CENPI: variants seen among roughly 807,000 people sequenced by gnomAD.
The protein encoded by CENPI is centromere protein I.
In CENPI, 4 loss-of-function variants were observed where a neutral mutation model predicts 60.4. The ratio of observed to expected loss-of-function variants is 0.07; its 90% CI spans 0.03 to 0.15. The LOEUF (loss-of-function observed/expected upper bound fraction) is 0.15, where lower values mean the gene tolerates loss of function less well. CENPI is among the 10% of genes least tolerant of loss of function. The probability of loss-of-function intolerance (pLI) is 1.00; values close to 1 mark genes in which losing one functional copy is unlikely to be tolerated. For missense variants in CENPI, 444 were observed against 534.5 expected (o/e 0.83, Z 1.67); for synonymous variants, 157 against 189.4 (o/e 0.83, Z 1.40).
intron 20 of CENPI, 102 bp from the exon 21 acceptor site, chrX:101,161,426 T>G: frequency 1.4e-6 from 1 of 726,791 alleles, no homozygotes; most frequent in Non-Finnish European, 2.1e-6. Flanking sequence ...ATTGCCATCT[T>G]AATTTTCTGA....
chrX:101,179,800 G>A, the CENPI span, among the ~76,000 whole-genome samples: 3 of 112,598 alleles, frequency 2.7e-5, no homozygotes, highest in East Asian at 5.6e-4. Flanking sequence ...GATTACAGGC[G>A]TGAGCCACTG....
At position 101,163,427 on chromosome X, in the gene CENPI, G is replaced by A. The variant is rs1033685848; in HGVS notation, c.*460G>A. 9.9e-5 allele frequency: 12 copies of A among 121,108 alleles called. No individual in the cohort carries two copies. The South Asian group carries it at 1.6e-3, about 17-fold the overall frequency. 10.0% of individuals were successfully genotyped at this position (121,108 alleles called of 1,213,427 possible). A position where few individuals can be genotyped will look rare whatever the true frequency, so the allele number is the denominator to read the frequency against. On this transcript the variant is annotated 3_prime_UTR_variant, in exon 22 of 22. Coordinates refer to ENST00000682095, the MANE Select transcript of CENPI (RefSeq NM_001386188.2). ...ACCAAGTTAACAGGATGCAACATGTGTATGACTCTAAAAGCCCTAAGTAGT... is the reference window on the plus strand; with the variant it reads ...ACCAAGTTAACAGGATGCAACATGTATATGACTCTAAAAGCCCTAAGTAGT...
chrX:101,124,857 TCTTTC>T (rs2089718309), intron 8 of CENPI, among the ~76,000 whole-genome samples: 1 of 111,955 alleles, frequency 8.9e-6, no homozygotes, highest in Non-Finnish European at 1.9e-5. Context: ...CAGTTAAACC[TCTTTC>T]CTTTATAAAT....
rs1460282694 is a variant in CENPI, at chrX:101,161,524, T to C, written c.2095-4T>C. 8.3e-7 allele frequency: 1 copy of C among 1,208,857 alleles called. No individual in the cohort carries two copies. The highest frequency in any genetic ancestry group is 1.1e-6 in the Non-Finnish European group (1 of 893,087). ...GTTTTGTTTTTTGTTTGTTTGTTTT[T>C]AAGGAAAGCCCAGAAGAAAGGACAG... On this transcript the variant is annotated splice_polypyrimidine_tract_variant and splice_region_variant and intron_variant, in intron 20 of 21. Coordinates refer to ENST00000682095, the MANE Select transcript of CENPI (RefSeq NM_001386188.2).
At chrX:101,168,786 CA>C (rs1468322216), downstream of CENPI, among the ~76,000 whole-genome samples, 1 of 111,618 alleles carries the variant, frequency 9.0e-6, no homozygotes, top group Non-Finnish European at 1.9e-5. Context: ...GCCACATCAC[CA>C]AATAAGTGAA....
At chrX:101,144,628 C>T (rs1021943052) in intron 16 of CENPI, among the ~76,000 whole-genome samples, 4 of 110,478 alleles carry the variant, frequency 3.6e-5, no homozygotes, top group African/African-American at 6.6e-5. Flanking sequence ...AGAGAGCCCC[C>T]GACCTTCGCC....
intron 21 of CENPI, 64 bp downstream of exon 21, chrX:101,161,633 TA>T: frequency 9.6e-7 from 1 of 1,044,349 alleles, no homozygotes; most frequent in Non-Finnish European, 1.3e-6. Context: ...CAAGAGAATT[TA>T]TACTTTTCCT....
chrX:101,117,939 A>G (rs1394999957), intron 6 of CENPI, among the ~76,000 whole-genome samples: 1 of 112,351 alleles, frequency 8.9e-6, no homozygotes, highest in Non-Finnish European at 1.9e-5. Context: ...AACATTGCTG[A>G]GCTGGCAGGA....
chrX:101,113,282 T>TACACACACACAC (rs533672702), intron 6 of CENPI, among the ~76,000 whole-genome samples: 1 of 84,003 alleles, frequency 1.2e-5, no homozygotes, highest in Admixed American at 1.5e-4. Flanking sequence ...TCCATCCCTT[T>TACACACACACAC]ACACACACAC....
At chrX:101,139,813 A>G (rs1234486160) in intron 15 of CENPI, among the ~76,000 whole-genome samples, 1 of 95,898 alleles carries the variant, frequency 1.0e-5, no homozygotes, top group Non-Finnish European at 2.1e-5. Context: ...TTATGTCATT[A>G]TTGTATGTTT....
the CENPI span, among the ~76,000 whole-genome samples, chrX:101,174,015 A>G: frequency 8.9e-6 from 1 of 112,373 alleles, no homozygotes; most frequent in Non-Finnish European, 1.9e-5. Flanking sequence ...ACTAGTCATC[A>G]GAGAAGTGCA....
At chrX:101,130,688 T>C (rs553081396) in intron 13 of CENPI, among the ~76,000 whole-genome samples, 2 of 112,584 alleles carry the variant, frequency 1.8e-5, no homozygotes, top group Middle Eastern at 4.6e-3. Context: ...TCACTACTTA[T>C]ATTCTTACAA....
At chrX:101,112,055 G>A (rs142768233) in intron 6 of CENPI, among the ~76,000 whole-genome samples, 1,748 of 111,437 alleles carry the variant, frequency 0.016, 47 homozygotes, top group African/African-American at 0.054. Flanking sequence ...ACTGACGTAC[G>A]AACCGTAGTT....
chrX:101,124,090 A>AGTGT (rs397842781), intron 8 of CENPI, among the ~76,000 whole-genome samples: 4,848 of 88,171 alleles, frequency 0.055, 141 homozygotes, highest in East Asian at 0.095. Context: ...TATAGAATCA[A>AGTGT]GTGTGTGTGT....
In CENPI at chrX:101,147,944, C is replaced by T. The variant is rs958383853; in HGVS notation, c.1877C>T (p.Thr626Ile). 2.5e-6 allele frequency: 3 copies of T among 1,204,313 alleles called. No individual in the cohort carries two copies. The Admixed American group carries it at 6.6e-5, about 26-fold the overall frequency. Residue 626 changes from threonine (T) to isoleucine (I), a missense_variant and splice_region_variant, in exon 20 of 22, where the codon ACA (threonine) becomes ATA (isoleucine). Physicochemically the swap from Thr to Ile is moderately conservative, Grantham distance 89. Coordinates refer to ENST00000682095, the MANE Select transcript of CENPI (RefSeq NM_001386188.2). ...AAKKNELVQK[T>I]KSEFNFSSKT... ...AATTTTTTATTTCTTTCCCATTAGA[C>T]AAAATCAGAGTTCAATTTCAGCAGC...
intron 8 of CENPI, among the ~76,000 whole-genome samples, chrX:101,122,610 G>A (rs1164068137): frequency 9.0e-6 from 1 of 111,380 alleles, no homozygotes; most frequent in Non-Finnish European, 1.9e-5. Context: ...AGGTGCAGTG[G>A]CTCACACCTG....
chrX:101,181,066 A>G, the CENPI span, among the ~76,000 whole-genome samples: 1 of 111,589 alleles, frequency 9.0e-6, no homozygotes, highest in Non-Finnish European at 1.9e-5. Flanking sequence ...CTTACCTTCT[A>G]TTGAATTTTC....
chrX:101,103,033 C>T (rs2089440899), intron 4 of CENPI, among the ~76,000 whole-genome samples: 1 of 103,805 alleles, frequency 9.6e-6, no homozygotes, highest in Non-Finnish European at 2.0e-5. Flanking sequence ...CTCACTCCAT[C>T]GCCCAGGCTG....
chrX:101,137,669 T>C (rs1007615961), intron 15 of CENPI, among the ~76,000 whole-genome samples: 3 of 110,673 alleles, frequency 2.7e-5, no homozygotes, highest in African/African-American at 9.9e-5. Context: ...CAACTTGAGA[T>C]AGTAAATGAA....
Sources: gnomAD v4.1 joint callset for allele counts (sites outside exome capture counted in the v4.1 genomes callset) on GRCh38, gnomAD v4.1.1 for gene constraint, MANE v1.5 for transcripts, NCBI Gene and HGNC (gene_info 2026-07-23, HGNC 2026-07-21) for gene names.